Variants in IQSEC1 observed in about 807,000 individuals in gnomAD.
IQSEC1 encodes the protein IQ motif and SEC7 domain-containing protein 1.
In IQSEC1, 31 loss-of-function variants were observed where a neutral mutation model predicts 91.0. The ratio of observed to expected loss-of-function variants is 0.34; its 90% CI spans 0.26 to 0.46. The LOEUF (loss-of-function observed/expected upper bound fraction) is 0.46, where lower values mean the gene tolerates loss of function less well. Ranked by LOEUF, IQSEC1 falls within the 20% of genes least tolerant of loss-of-function variation. The probability of loss-of-function intolerance (pLI) is 1.00; values close to 1 mark genes in which losing one functional copy is unlikely to be tolerated. For missense variants in IQSEC1, 1,388 were observed against 1,575.6 expected (o/e 0.88, Z 2.02); for synonymous variants, 699 against 662.6 (o/e 1.05, Z -0.84).
intron 6 of IQSEC1, among the ~76,000 whole-genome samples, chr3:12,918,583 G>C (rs1342658545): frequency 6.6e-6 from 1 of 152,156 alleles, no homozygotes; most frequent in Non-Finnish European, 1.5e-5. Context: ...TGGGAGGCCA[G>C]GGTGGGAGGA....
At chr3:13,029,246 C>G (rs1052766093) in intron 1 of IQSEC1, among the ~76,000 whole-genome samples, 6 of 152,188 alleles carry the variant, frequency 3.9e-5, no homozygotes, top group Admixed American at 1.3e-4. Context: ...AGCCACTGCT[C>G]TATGTGTGAC....
chr3:13,056,563 G>A (rs1704889660), intron 1 of IQSEC1, among the ~76,000 whole-genome samples: 1 of 152,058 alleles, frequency 6.6e-6, no homozygotes, highest in East Asian at 1.9e-4. Flanking sequence ...ACCTCCCCAA[G>A]CCTCCTCAGC....
rs958015988 is a variant in IQSEC1 at position 12,900,110 on chromosome 3, T to C, written c.*873A>G. 1.0e-6 allele frequency: 1 copy of C among 977,914 alleles called. No individual in the cohort carries two copies. The highest frequency in any genetic ancestry group is 1.8e-5 in the African/African-American group (1 of 57,022). 60.6% of individuals were successfully genotyped at this position (977,914 alleles called of 1,614,324 possible). On this transcript the variant is annotated 3_prime_UTR_variant, in exon 14 of 14. Transcript: ENST00000613206. ...GTGTACTGCAGTTTAGCTATTTGCT[T>C]ACCTGAAATAACAGCATTATAATAC...
At chr3:13,106,559 A>G (rs1317302714) in intron 2 of IQSEC1, among the ~76,000 whole-genome samples, 1 of 152,214 alleles carries the variant, frequency 6.6e-6, no homozygotes, top group Non-Finnish European at 1.5e-5. Context: ...GGAGACAGAG[A>G]AGACTTAAAC....
chr3:13,277,796 C>G (rs73016845), intron 1 of IQSEC1, among the ~76,000 whole-genome samples: 19,988 of 152,172 alleles, frequency 0.13, 1,379 homozygotes, highest in East Asian at 0.17. Flanking sequence ...AGAGCCCTCT[C>G]GGCCTCACTC....
intron 1 of IQSEC1, among the ~76,000 whole-genome samples, chr3:13,234,775 T>C (rs1694898247): frequency 6.6e-6 from 1 of 152,202 alleles, no homozygotes; most frequent in Admixed American, 6.5e-5. Flanking sequence ...AAAATATTAG[T>C]GTTCCTTAAT....
chr3:13,261,275 C>T (rs945519061), intron 1 of IQSEC1, among the ~76,000 whole-genome samples: 1 of 152,200 alleles, frequency 6.6e-6, no homozygotes, highest in Admixed American at 6.5e-5. Flanking sequence ...AGGGGCCACA[C>T]ACAATGTCCG....
At chr3:13,240,268 T>A (rs1463159040) in intron 1 of IQSEC1, among the ~76,000 whole-genome samples, 1 of 152,074 alleles carries the variant, frequency 6.6e-6, no homozygotes, top group Non-Finnish European at 1.5e-5. Flanking sequence ...GTGCCTACAG[T>A]CCCAGGTACT....
At chr3:13,199,860 A>T (rs149278988) in intron 1 of IQSEC1, among the ~76,000 whole-genome samples, 3 of 151,962 alleles carry the variant, frequency 2.0e-5, no homozygotes, top group Non-Finnish European at 4.4e-5. Flanking sequence ...AAACCAGCAC[A>T]CCACACACAT....
intron 1 of IQSEC1, among the ~76,000 whole-genome samples, chr3:13,174,234 G>A (rs1693674472): frequency 6.6e-6 from 1 of 152,324 alleles, no homozygotes. Context: ...AATACTGGGA[G>A]CGCAGCCACT....
At chr3:12,964,539 A>C (rs1285922101) in intron 1 of IQSEC1, among the ~76,000 whole-genome samples, 3 of 152,202 alleles carry the variant, frequency 2.0e-5, no homozygotes, top group Admixed American at 2.0e-4. Flanking sequence ...ATTTGACTGG[A>C]GTCCCGAGGA....
chr3:13,156,306 C>T (rs935651742), intron 2 of IQSEC1, among the ~76,000 whole-genome samples: 3 of 152,108 alleles, frequency 2.0e-5, no homozygotes, highest in African/African-American at 7.2e-5. Context: ...GAAACTACCT[C>T]AACATAATGA....
At chr3:13,144,112 G>A (rs948011056) in intron 2 of IQSEC1, among the ~76,000 whole-genome samples, 3 of 152,174 alleles carry the variant, frequency 2.0e-5, no homozygotes, top group South Asian at 2.1e-4. Flanking sequence ...AGTATCTGTC[G>A]AGGGTGTGCT....
Position 13,003,436 on chromosome 3 carries a change from T to C in IQSEC1, c.24-61571A>G, listed in dbSNP as rs377008062. Among the ~76,000 whole-genome samples the C allele has an allele frequency of 1.1e-3, 165 of 152,242 alleles. 4 individuals carry two copies. In the South Asian group the frequency reaches 0.033, roughly 31 times the overall value. The stretch of plus-strand genomic sequence containing the variant: ...GATATGAAATGCTCAGAAAGACATA[T>C]CTACAGAGACAAAAAGTGGTTGTTG... On this transcript the variant is annotated intron_variant, in intron 1 of 13. Transcript: ENST00000613206.
At chr3:13,226,894 C>A (rs1317345148) in intron 1 of IQSEC1, among the ~76,000 whole-genome samples, 1 of 152,160 alleles carries the variant, frequency 6.6e-6, no homozygotes, top group Non-Finnish European at 1.5e-5. Flanking sequence ...CACCTCCAGG[C>A]ACAGCCTCCA....
chr3:13,098,885 A>G (rs1706010461), intron 2 of IQSEC1, among the ~76,000 whole-genome samples: 1 of 152,260 alleles, frequency 6.6e-6, no homozygotes. Context: ...ATGGATTCAC[A>G]ACTCTGTGAA....
intron 1 of IQSEC1, among the ~76,000 whole-genome samples, chr3:13,227,367 C>T (rs1204005985): frequency 1.0e-5 from 1 of 96,226 alleles, no homozygotes. Context: ...CAAAGCGGGA[C>T]TCTGTCTCAA....
At chr3:13,033,391 C>T (rs369857405) in intron 1 of IQSEC1, among the ~76,000 whole-genome samples, 2 of 152,066 alleles carry the variant, frequency 1.3e-5, no homozygotes, top group Non-Finnish European at 1.5e-5. Context: ...GAAGTCAGAG[C>T]GAGGCGCATT....
chr3:13,134,805 C>T (rs1431863064), intron 2 of IQSEC1, among the ~76,000 whole-genome samples: 3 of 152,142 alleles, frequency 2.0e-5, no homozygotes, highest in African/African-American at 7.2e-5. Context: ...GGAGCTGAGA[C>T]CTCCCTGAAG....
Sources: gnomAD v4.1 joint callset for allele counts (sites outside exome capture counted in the v4.1 genomes callset) on GRCh38, gnomAD v4.1.1 for gene constraint, MANE v1.5 for transcripts, NCBI Gene and HGNC (gene_info 2026-07-23, HGNC 2026-07-21) for gene names.